Variants in LDLRAD3 observed in about 807,000 individuals in gnomAD.
The protein encoded by LDLRAD3 is low-density lipoprotein receptor class A domain-containing protein 3.
LDLRAD3 carries 20 observed loss-of-function variants against 29.4 expected under a neutral mutation model. The observed-to-expected ratio is 0.68, with a 90% CI of 0.48 to 0.99. LDLRAD3 has a LOEUF of 0.99. LDLRAD3 is among the 50% of genes least tolerant of loss of function. The pLI, the probability that LDLRAD3 is intolerant of heterozygous loss-of-function variation, is 0.00. For missense variants in LDLRAD3, 420 were observed against 454.3 expected (o/e 0.92, Z 0.69); for synonymous variants, 157 against 192.7 (o/e 0.81, Z 1.53).
At chr11:36,188,371 C>CAAAAAA (rs57049829) in intron 4 of LDLRAD3, among the ~76,000 whole-genome samples, 3 of 62,042 alleles carry the variant, frequency 4.8e-5, no homozygotes, top group African/African-American at 5.7e-5. Context: ...GGAAAACCAG[C>CAAAAAA]AAAAAAAAAA....
chr11:36,162,209 T>C (rs987900724), intron 4 of LDLRAD3, among the ~76,000 whole-genome samples: 6 of 152,076 alleles, frequency 3.9e-5, no homozygotes, highest in African/African-American at 1.4e-4. Context: ...AAAAGTTGAG[T>C]TGGAGGAGCA....
intron 1 of LDLRAD3, among the ~76,000 whole-genome samples, chr11:35,946,729 G>T (rs1314302617): frequency 6.6e-6 from 1 of 152,168 alleles, no homozygotes; most frequent in Non-Finnish European, 1.5e-5. Flanking sequence ...CAGTGAAAAG[G>T]CTTGATTTTC....
chr11:36,075,728 C>G (rs1447100353), intron 2 of LDLRAD3, among the ~76,000 whole-genome samples: 3 of 152,148 alleles, frequency 2.0e-5, no homozygotes, highest in African/African-American at 7.2e-5. Context: ...GAAGAACTTT[C>G]CTTTCTCCCC....
chr11:36,035,375 T>C (rs1852290609), intron 1 of LDLRAD3, among the ~76,000 whole-genome samples: 1 of 152,130 alleles, frequency 6.6e-6, no homozygotes, highest in Admixed American at 6.5e-5. Flanking sequence ...GTTCTCTCTT[T>C]GCTTTCTAGC....
intron 4 of LDLRAD3, among the ~76,000 whole-genome samples, chr11:36,106,966 C>A (rs4756276): frequency 0.21 from 31,920 of 151,994 alleles, 3,694 homozygotes; most frequent in East Asian, 0.34. Context: ...ATACCCTGGG[C>A]GCTGCTGGTC....
chr11:35,945,825 A>G (rs1440494881), intron 1 of LDLRAD3, among the ~76,000 whole-genome samples: 2 of 152,170 alleles, frequency 1.3e-5, no homozygotes, highest in African/African-American at 4.8e-5. Flanking sequence ...AAATAGTTGT[A>G]AAGTTAATTT....
At chr11:35,988,832 C>T (rs1367362753) in intron 1 of LDLRAD3, 1 of 151,856 alleles carries the variant, frequency 6.6e-6, no homozygotes, top group African/African-American at 2.4e-5. Context: ...ATCTGCTCAC[C>T]TCGGCCTCCC....
intron 2 of LDLRAD3, among the ~76,000 whole-genome samples, chr11:36,037,217 C>G (rs754990): frequency 6.6e-6 from 1 of 152,170 alleles, no homozygotes; most frequent in South Asian, 2.1e-4. Flanking sequence ...CACCAGGCCA[C>G]GTGGCCTGTC....
intron 1 of LDLRAD3, among the ~76,000 whole-genome samples, chr11:36,034,362 T>C (rs1565175200): frequency 6.6e-6 from 1 of 152,084 alleles, no homozygotes; most frequent in African/African-American, 2.4e-5. Flanking sequence ...CTGCTTTGGC[T>C]GGAGTCGCAA....
rs533715532 is a variant in LDLRAD3 at position 36,021,499 on chromosome 11, T to C, written c.47-14604T>C. Among the ~76,000 whole-genome samples, 8 of 152,240 alleles carry C rather than the reference T, an allele frequency of 5.3e-5. No homozygotes were observed. The South Asian group carries it at 1.5e-3, about 28-fold the overall frequency. ...TGATCCAAAGCAGCAGAATTGTGCC[T>C]AAGGAAGAGATGGAAAATTAACGTT... is the stretch of plus-strand genomic sequence containing the variant. On this transcript the variant is annotated intron_variant, in intron 1 of 5. Transcript: ENST00000315571.
chr11:36,138,060 A>C (rs1365606648), intron 4 of LDLRAD3, among the ~76,000 whole-genome samples: 1 of 152,202 alleles, frequency 6.6e-6, no homozygotes, highest in Non-Finnish European at 1.5e-5. Context: ...GAGGTGCATC[A>C]CCCTGAGTGC....
intron 4 of LDLRAD3, among the ~76,000 whole-genome samples, chr11:36,103,249 T>TC (rs1853476395): frequency 6.7e-6 from 1 of 149,524 alleles, no homozygotes; most frequent in Admixed American, 6.6e-5. Flanking sequence ...TTTTTTTTTT[T>TC]TTTTTGAAGT....
intron 4 of LDLRAD3, among the ~76,000 whole-genome samples, chr11:36,222,478 G>A (rs983329370): frequency 2.6e-5 from 4 of 152,106 alleles, no homozygotes; most frequent in Non-Finnish European, 5.9e-5. Flanking sequence ...CACTAGCCAT[G>A]CCTGCATATA....
At chr11:36,125,290 G>T (rs1238337935) in intron 4 of LDLRAD3, among the ~76,000 whole-genome samples, 3 of 152,098 alleles carry the variant, frequency 2.0e-5, no homozygotes, top group Admixed American at 2.0e-4. Flanking sequence ...GCAACTTCCC[G>T]GGTTCAAATT....
rs1479160111 is a variant in LDLRAD3, at chr11:36,023,711, A to C, written c.47-12392A>C. On this transcript the variant is annotated intron_variant, in intron 1 of 5. Coordinates refer to ENST00000315571, the MANE Select transcript of LDLRAD3 (RefSeq NM_174902.4). ...CACAGAAACAAAGAATGAGTGGGGG[A>C]ATTTGATTGTCGTCTGTTACTGCCT... Among the ~76,000 whole-genome samples the C allele has an allele frequency of 3.3e-5, 5 of 152,018 alleles. 1 individual carries two copies. Among genetic ancestry groups the C allele is most frequent in the Non-Finnish European group, 7.4e-5 (5 of 67,992 alleles).
intron 4 of LDLRAD3, among the ~76,000 whole-genome samples, chr11:36,141,917 G>A (rs1854092356): frequency 6.6e-6 from 1 of 152,218 alleles, no homozygotes; most frequent in Admixed American, 6.5e-5. Context: ...CATTTAAGCT[G>A]CAATATCGAT....
chr11:36,061,862 A>G (rs892556630), intron 2 of LDLRAD3, among the ~76,000 whole-genome samples: 2 of 152,130 alleles, frequency 1.3e-5, no homozygotes, highest in Admixed American at 6.5e-5. Flanking sequence ...GTATGTTTCA[A>G]TTGCTTATTA....
chr11:36,170,275 T>C (rs1854576821), intron 4 of LDLRAD3, among the ~76,000 whole-genome samples: 1 of 147,474 alleles, frequency 6.8e-6, no homozygotes, highest in Non-Finnish European at 1.5e-5. Flanking sequence ...TATATACACA[T>C]ATATGTACAT....
intron 4 of LDLRAD3, among the ~76,000 whole-genome samples, chr11:36,159,658 A>G (rs1271514680): frequency 2.1e-5 from 3 of 143,944 alleles, no homozygotes; most frequent in Non-Finnish European, 4.5e-5. Context: ...CTGTAGTCCC[A>G]GCTACATGGG....
Sources: allele counts gnomAD v4.1 joint callset (sites outside exome capture counted in the v4.1 genomes callset), GRCh38; gene constraint gnomAD v4.1.1; transcripts MANE v1.5; gene names NCBI Gene and HGNC (gene_info 2026-07-23, HGNC 2026-07-21).